Variants in SERPINB12 observed in about 807,000 individuals in gnomAD.
The protein encoded by SERPINB12 is serpin family B member 12, also known as serpin B12.
A neutral mutation model predicts 41.1 loss-of-function variants in SERPINB12; 57 were observed. That is an observed-to-expected ratio of 1.39 (90% confidence interval 1.12 to 1.73). SERPINB12 has a LOEUF of 1.73. SERPINB12 is among the 40% of genes most tolerant of loss of function. SERPINB12 has a pLI of 0.00. For missense variants in SERPINB12, 536 were observed against 501.9 expected, an observed-to-expected ratio of 1.07 and a Z score of -0.65; for synonymous variants, 180 against 181.3, an observed-to-expected ratio of 0.99 and a Z score of 0.06.
upstream of SERPINB12, among the ~76,000 whole-genome samples, chr18:63,538,314 C>T (rs1333642579): frequency 2.6e-5 from 4 of 151,986 alleles, no homozygotes; most frequent in Non-Finnish European, 5.9e-5. Flanking sequence ...TTTCATCATC[C>T]CTAAACAAAA....
At chr18:63,548,345 T>C (rs1466914472) in intron 1 of SERPINB12, among the ~76,000 whole-genome samples, 1 of 152,126 alleles carries the variant, frequency 6.6e-6, no homozygotes, top group Non-Finnish European at 1.5e-5. Flanking sequence ...GCTAACAATG[T>C]AAGTTAAAAT....
chr18:63,537,620 G>A (rs1485593769), upstream of SERPINB12, among the ~76,000 whole-genome samples: 1 of 152,086 alleles, frequency 6.6e-6, no homozygotes, highest in Non-Finnish European at 1.5e-5. Flanking sequence ...GGAAGCTTGG[G>A]AGATGAAAAC....
intron 2 of SERPINB12, 45 bp downstream of exon 2, chr18:63,556,372 C>T (rs765052963): frequency 1.9e-6 from 3 of 1,564,314 alleles, no homozygotes; most frequent in East Asian, 2.3e-5. Flanking sequence ...AACTCTGGGT[C>T]CACACTCAAA....
chr18:63,561,531 A>G (rs1487275926), intron 5 of SERPINB12, among the ~76,000 whole-genome samples: 1 of 152,248 alleles, frequency 6.6e-6, no homozygotes, highest in Non-Finnish European at 1.5e-5. Context: ...CAGCAATCCC[A>G]TTACTGAGTA....
intron 1 of SERPINB12, among the ~76,000 whole-genome samples, chr18:63,548,120 T>G (rs1426143798): frequency 6.6e-6 from 1 of 152,154 alleles, no homozygotes; most frequent in Non-Finnish European, 1.5e-5. Context: ...GTATGGTTAT[T>G]GTATACAGTG....
the SERPINB12 span, among the ~76,000 whole-genome samples, chr18:63,530,531 T>G: frequency 6.6e-6 from 1 of 152,202 alleles, no homozygotes; most frequent in East Asian, 1.9e-4. Flanking sequence ...TGATACTTCT[T>G]TAAACGACTG....
chr18:63,554,037 C>T (rs1322083626), intron 1 of SERPINB12, among the ~76,000 whole-genome samples: 3 of 151,104 alleles, frequency 2.0e-5, no homozygotes, highest in African/African-American at 7.4e-5. Flanking sequence ...ATACAAAGTA[C>T]GTCTCAAACC....
upstream of SERPINB12, among the ~76,000 whole-genome samples, chr18:63,538,867 T>G (rs1910221775): frequency 6.6e-6 from 1 of 152,208 alleles, no homozygotes; most frequent in Non-Finnish European, 1.5e-5. Flanking sequence ...ATTGTCTGTT[T>G]TTAAATTATA....
At chr18:63,552,199 G>A (rs1362937259) in intron 1 of SERPINB12, among the ~76,000 whole-genome samples, 1 of 152,142 alleles carries the variant, frequency 6.6e-6, no homozygotes, top group Non-Finnish European at 1.5e-5. Flanking sequence ...GCCTGCGAAT[G>A]GGTTTCCTGA....
chr18:63,522,832 AT>A, the SERPINB12 span, among the ~76,000 whole-genome samples: 1,576 of 150,396 alleles, frequency 0.01, 35 homozygotes, highest in African/African-American at 0.035. Flanking sequence ...TTGATAAGAA[AT>A]TTTTTTTTTG....
intron 1 of SERPINB12, among the ~76,000 whole-genome samples, chr18:63,547,797 C>T (rs1027647898): frequency 4.6e-5 from 7 of 151,972 alleles, no homozygotes; most frequent in African/African-American, 1.4e-4. Flanking sequence ...AAAGCTGATT[C>T]TCTTATGCAG....
chr18:63,560,883 T>C (rs1387895777), intron 4 of SERPINB12, among the ~76,000 whole-genome samples: 1 of 152,132 alleles, frequency 6.6e-6, no homozygotes, highest in Non-Finnish European at 1.5e-5. Context: ...ATATTTGATA[T>C]CCTCATTTTT....
intron 1 of SERPINB12, among the ~76,000 whole-genome samples, chr18:63,550,206 A>G (rs972899774): frequency 2.6e-5 from 4 of 152,184 alleles, no homozygotes; most frequent in African/African-American, 9.7e-5. Context: ...AGTAAATTGC[A>G]TACAAGTTTT....
At position 63,556,176 on chromosome 18, in the gene SERPINB12, C is replaced by G. The variant is rs779963853; in HGVS notation, c.17C>G (p.Thr6Arg). The change falls in exon 2 of 8, where the codon ACA (threonine) becomes AGA (arginine). Residue 6 changes from threonine (T) to arginine (R), a missense_variant. Thr to Arg is a moderately conservative substitution (Grantham distance 71). Transcript: ENST00000382768. MDSLVTANTKFCFDLF... is the reference protein window; with the variant it reads MDSLVRANTKFCFDLF... ...AGTTTTACAATGGACTCTCTTGTTA[C>G]AGCAAACACCAAATTTTGCTTTGAT... 6.2e-7 allele frequency: 1 copy of G among 1,613,716 alleles called. No homozygotes were observed. Among genetic ancestry groups the G allele is most frequent in the Admixed American group, 1.7e-5 (1 of 60,008 alleles).
intron 3 of SERPINB12, among the ~76,000 whole-genome samples, chr18:63,559,003 C>CCTTCTTTCTTTCT (rs1910780632): frequency 2.5e-4 from 20 of 78,538 alleles, no homozygotes; most frequent in African/African-American, 1.0e-3. Flanking sequence ...TCTTTCCTTC[C>CCTTCTTTCTTTCT]TTCTTTCTTT....
At chr18:63,527,813 G>T in the SERPINB12 span, among the ~76,000 whole-genome samples, 1 of 152,094 alleles carries the variant, frequency 6.6e-6, no homozygotes, top group Admixed American at 6.6e-5. Context: ...AACATCAATA[G>T]GTAATTGATA....
At chr18:63,526,989 C>G in the SERPINB12 span, among the ~76,000 whole-genome samples, 3 of 152,248 alleles carry the variant, frequency 2.0e-5, no homozygotes, top group African/African-American at 7.2e-5. Flanking sequence ...TTTTGTGTAT[C>G]TAAACATATT....
chr18:63,527,614 G>A, the SERPINB12 span, among the ~76,000 whole-genome samples: 40 of 152,252 alleles, frequency 2.6e-4, no homozygotes, highest in Non-Finnish European at 3.8e-4. Context: ...TGCTGTAATT[G>A]AAGTTTAAGG....
chr18:63,565,478 A>G lies in SERPINB12; in HGVS notation c.739A>G (p.Lys247Glu), dbSNP rs35582068. The G allele has an allele frequency of 3.0e-3, 4,814 of 1,613,778 alleles. 123 individuals are homozygous for G. The African/African-American group carries it at 0.054, about 18-fold the overall frequency. Residue 247 changes from lysine (K) to glutamate (E), a missense_variant, in exon 7 of 8, where the codon AAA becomes GAA. Physicochemically the swap from Lys to Glu is moderately conservative, Grantham distance 56. Coordinates refer to ENST00000382768, the MANE Select transcript of SERPINB12 (RefSeq NM_001307928.2). ...ENKSVKMMTQ[K>E]GLYRIGFIEE... ...CAAGAGTGTGAAGATGATGACGCAA[A>G]AAGGCCTCTACAGAATTGGCTTCAT... is the stretch of plus-strand genomic sequence containing the variant.
Sources: allele counts gnomAD v4.1 joint callset (sites outside exome capture counted in the v4.1 genomes callset), GRCh38; gene constraint gnomAD v4.1.1; transcripts MANE v1.5; gene names NCBI Gene and HGNC (gene_info 2026-07-23, HGNC 2026-07-21).